Variants in TFEC observed in about 807,000 individuals in gnomAD.
TFEC encodes class E basic helix-loop-helix protein 34.
TFEC carries 31 observed loss-of-function variants against 41.6 expected under a neutral mutation model. The observed-to-expected ratio is 0.74, with a 90% CI of 0.56 to 1.01. TFEC has a LOEUF of 1.01. Among genes scored for constraint, TFEC ranks in the 50% least tolerant of loss-of-function variants. The probability of loss-of-function intolerance (pLI) is 0.00; values close to 1 mark genes in which losing one functional copy is unlikely to be tolerated. For missense variants in TFEC, 402 were observed against 404.1 expected (o/e 0.99, Z 0.04); for synonymous variants, 143 against 140.6 (o/e 1.02, Z -0.12).
intron 2 of TFEC, 58 bp downstream of exon 2, chr7:115,984,204 T>C (rs1001333060): frequency 5.7e-6 from 9 of 1,583,572 alleles, no homozygotes; most frequent in Admixed American, 5.2e-5. Context: ...TCAATTACTT[T>C]AATAGAGGTT....
At chr7:116,078,881 A>G (rs1797022534) in intron 3 of TFEC, among the ~76,000 whole-genome samples, 1 of 152,100 alleles carries the variant, frequency 6.6e-6, no homozygotes, top group African/African-American at 2.4e-5. Flanking sequence ...TAACCAAAAA[A>G]TAAAACTACA....
At chr7:116,071,971 T>C (rs1796840300) in intron 3 of TFEC, among the ~76,000 whole-genome samples, 1 of 151,540 alleles carries the variant, frequency 6.6e-6, no homozygotes. Flanking sequence ...ATAAAAGACC[T>C]TAATTAAAGT....
At position 115,939,015 on chromosome 7, in the gene TFEC, CAATT is replaced by C. The variant is rs1395961215; in HGVS notation, c.*1532_*1535del. The C allele has an allele frequency of 6.6e-6, 1 of 151,968 alleles. No individual in the cohort carries two copies. Among genetic ancestry groups the C allele is most frequent in the Non-Finnish European group, 1.5e-5 (1 of 67,924 alleles). 9.4% of individuals were successfully genotyped at this position (151,968 alleles called of 1,614,324 possible). A position where few individuals can be genotyped will look rare whatever the true frequency, so the allele number is the denominator to read the frequency against. ...TCCTTTATATGCCCTCACTTTCACT[CAATT>C]AATGCCTTTCAAAGAGAAGTCAAAT... On this transcript the variant is annotated 3_prime_UTR_variant, in exon 8 of 8. Transcript: ENST00000265440.
chr7:116,035,395 G>A (rs1319668258), upstream of TFEC, among the ~76,000 whole-genome samples: 1 of 151,962 alleles, frequency 6.6e-6, no homozygotes, highest in Non-Finnish European at 1.5e-5. Flanking sequence ...AGAATTAAGG[G>A]CTCTTGTGTG....
In TFEC at chr7:116,102,245, G is replaced by A. The variant is rs755311506; in HGVS notation, c.198+8463C>T. Among the ~76,000 whole-genome samples the A allele has an allele frequency of 4.6e-5, 7 of 152,244 alleles. No homozygotes were observed. The South Asian group carries it at 6.2e-4, about 14-fold the overall frequency. On this transcript the variant is annotated intron_variant, in intron 3 of 8. Coordinates refer to the TFEC transcript ENST00000484212. ...TCTTCCCAGCACTCAAAGCAAAATA[G>A]GTCAGTGGGAGGGTTAAGGATACAC... is the stretch of plus-strand genomic sequence containing the variant.
intron 3 of TFEC, among the ~76,000 whole-genome samples, chr7:116,088,132 C>A (rs1022223234): frequency 2.0e-5 from 3 of 152,030 alleles, no homozygotes; most frequent in African/African-American, 4.8e-5. Flanking sequence ...TTCCTTGCCC[C>A]CTACTACTCC....
At chr7:116,135,457 C>T (rs1004336153) in intron 1 of TFEC, among the ~76,000 whole-genome samples, 12 of 152,094 alleles carry the variant, frequency 7.9e-5, no homozygotes, top group African/African-American at 2.9e-4. Flanking sequence ...AGCAATGTCA[C>T]ACTCTGATGA....
At chr7:116,061,414 A>C (rs192515785) in intron 3 of TFEC, among the ~76,000 whole-genome samples, 4 of 152,154 alleles carry the variant, frequency 2.6e-5, no homozygotes, top group Non-Finnish European at 5.9e-5. Flanking sequence ...CCAAAAAATG[A>C]ATTTTTAATC....
intron 1 of TFEC, among the ~76,000 whole-genome samples, chr7:116,023,521 TAA>T (rs1339512054): frequency 6.6e-6 from 1 of 152,128 alleles, no homozygotes; most frequent in African/African-American, 2.4e-5. Flanking sequence ...GCAAAAAAAC[TAA>T]AGACTCTGAA....
chr7:116,100,073 T>G (rs1797569854), intron 3 of TFEC, among the ~76,000 whole-genome samples: 2 of 152,212 alleles, frequency 1.3e-5, no homozygotes, highest in South Asian at 4.1e-4. Context: ...TTACCAATAC[T>G]GACTATAGCT....
chr7:115,974,028 A>T (rs894526286), intron 3 of TFEC, 142 bp downstream of exon 3: 1 of 612,892 alleles, frequency 1.6e-6, no homozygotes, highest in Admixed American at 3.7e-5. Flanking sequence ...TTTCTGCACC[A>T]ATAAATATTT....
At chr7:116,065,046 C>T (rs1018824809) in intron 3 of TFEC, among the ~76,000 whole-genome samples, 9 of 152,098 alleles carry the variant, frequency 5.9e-5, no homozygotes, top group Non-Finnish European at 1.0e-4. Flanking sequence ...TGAACACAAG[C>T]CCACCAGTTC....
At chr7:116,019,304 C>T (rs538307261) in intron 1 of TFEC, among the ~76,000 whole-genome samples, 7 of 152,310 alleles carry the variant, frequency 4.6e-5, no homozygotes, top group African/African-American at 1.7e-4. Context: ...ACTCAACATT[C>T]TCATAAGTGT....
chr7:116,015,624 AAAG>A (rs1308909086), intron 1 of TFEC, among the ~76,000 whole-genome samples: 2 of 152,276 alleles, frequency 1.3e-5, no homozygotes, highest in Non-Finnish European at 2.9e-5. Context: ...AAAAAAGAAA[AAAG>A]AAGACTCGTG....
chr7:116,034,674 G>A (rs879748517), upstream of TFEC, among the ~76,000 whole-genome samples: 7 of 137,608 alleles, frequency 5.1e-5, no homozygotes, highest in Non-Finnish European at 9.4e-5. Context: ...ACACTAACAC[G>A]CACAGGCATG....
intron 1 of TFEC, among the ~76,000 whole-genome samples, chr7:116,002,048 G>A (rs1440752938): frequency 1.3e-5 from 2 of 152,142 alleles, no homozygotes; most frequent in Non-Finnish European, 2.9e-5. Flanking sequence ...AGAATGTGGA[G>A]AAAAAAGAAC....
chr7:116,097,122 A>G (rs1163659200), intron 3 of TFEC, among the ~76,000 whole-genome samples: 1 of 151,900 alleles, frequency 6.6e-6, no homozygotes, highest in Non-Finnish European at 1.5e-5. Context: ...AGAAAAAAGA[A>G]AGTGGGCAGG....
chr7:115,940,420 T>C lies in TFEC; in HGVS notation c.*131A>G, dbSNP rs1054622325. 6.2e-6 allele frequency: 6 copies of C among 965,490 alleles called. No homozygotes were observed. The highest frequency in any genetic ancestry group is 7.3e-6 in the Non-Finnish European group (5 of 685,152). The allele number at this position is 965,490 out of a possible 1,614,324, so 59.8% of individuals were successfully genotyped here. On this transcript the variant is annotated 3_prime_UTR_variant, in exon 8 of 8. Transcript: ENST00000265440. ...CCTGCGAATTCTTCTGTTGCTTCTA[T>C]CAGTTTTTCATGAACAACACATTCC... is the stretch of plus-strand genomic sequence containing the variant.
chr7:116,092,868 C>T (rs12672307), intron 3 of TFEC, among the ~76,000 whole-genome samples: 25,411 of 152,044 alleles, frequency 0.17, 2,248 homozygotes, highest in East Asian at 0.36. Flanking sequence ...AGAAAATATA[C>T]TATGGAAGCG....
Sources: gnomAD v4.1 joint callset for allele counts (sites outside exome capture counted in the v4.1 genomes callset) on GRCh38, gnomAD v4.1.1 for gene constraint, MANE v1.5 for transcripts, NCBI Gene and HGNC (gene_info 2026-07-23, HGNC 2026-07-21) for gene names.